SLC17A6: variants seen among roughly 807,000 people sequenced by gnomAD.
SLC17A6 encodes the protein vesicular glutamate transporter 2.
SLC17A6 carries 35 observed loss-of-function variants against 67.1 expected under a neutral mutation model. That is an observed-to-expected ratio of 0.52 (90% CI 0.40 to 0.69). The LOEUF (loss-of-function observed/expected upper bound fraction) is 0.69, where lower values mean the gene tolerates loss of function less well. Ranked by LOEUF, SLC17A6 falls within the 30% of genes least tolerant of loss-of-function variation. The pLI, the probability that SLC17A6 is intolerant of heterozygous loss-of-function variation, is 0.00. For synonymous variants in SLC17A6, 285 were observed against 252.3 expected, an observed-to-expected ratio of 1.13 and a Z score of -1.23; for missense variants, 588 against 723.9, an observed-to-expected ratio of 0.81 and a Z score of 2.15.
chr11:22,354,266 T>A (rs1855974318), intron 3 of SLC17A6, among the ~76,000 whole-genome samples: 1 of 152,082 alleles, frequency 6.6e-6, no homozygotes, highest in Non-Finnish European at 1.5e-5. Flanking sequence ...GTGTTTTTAG[T>A]ACAGACGGGA....
Position 22,365,537 on chromosome 11 carries a change from T to C in SLC17A6, c.749-10T>C, listed in dbSNP as rs1386114511. On this transcript the variant is annotated splice_polypyrimidine_tract_variant and intron_variant, in intron 6 of 11. Coordinates refer to ENST00000263160, the MANE Select transcript of SLC17A6 (RefSeq NM_020346.3). The stretch of plus-strand genomic sequence containing the variant: ...GAAGTGACTTTCTCCTTCTGAACTG[T>C]TGCTTGCAGGAAGCTTTGGAATGGT... The C allele has an allele frequency of 1.9e-6, 3 of 1,613,846 alleles. No homozygotes were observed. The highest frequency in any genetic ancestry group is 2.5e-6 in the Non-Finnish European group (3 of 1,179,804).
In SLC17A6 at chr11:22,365,013, C is replaced by T. The variant is rs183484039; in HGVS notation, c.749-534C>T. ...GAGGCCCACTTTTTATGTAATGTAGCCACTCATGCTAAAATATTCTAGGTT... is the reference window on the plus strand; with the variant it reads ...GAGGCCCACTTTTTATGTAATGTAGTCACTCATGCTAAAATATTCTAGGTT... On this transcript the variant is annotated intron_variant, in intron 6 of 11. Coordinates refer to ENST00000263160, the MANE Select transcript of SLC17A6 (RefSeq NM_020346.3). 5.3e-5 allele frequency among the ~76,000 whole-genome samples: 8 copies of T among 152,180 alleles called. No homozygotes were observed. In the South Asian group the frequency reaches 6.2e-4, roughly 12 times the overall value.
intron 6 of SLC17A6, among the ~76,000 whole-genome samples, chr11:22,365,094 C>A (rs1183468160): frequency 6.6e-6 from 1 of 152,098 alleles, no homozygotes; most frequent in African/African-American, 2.4e-5. Context: ...GGGAAAAGAG[C>A]AATTCTTTTC....
intron 3 of SLC17A6, among the ~76,000 whole-genome samples, chr11:22,358,333 T>C (rs1401200131): frequency 6.6e-6 from 1 of 152,168 alleles, no homozygotes; most frequent in Non-Finnish European, 1.5e-5. Flanking sequence ...TGTTTGTTTG[T>C]TTGTTTGTTT....
At chr11:22,372,861 T>C (rs1220551905) in intron 8 of SLC17A6, among the ~76,000 whole-genome samples, 1 of 152,164 alleles carries the variant, frequency 6.6e-6, no homozygotes, top group South Asian at 2.1e-4. Context: ...TGATTACTCA[T>C]GATAAGTCCC....
chr11:22,343,938 C>G (rs1010953930), intron 3 of SLC17A6, among the ~76,000 whole-genome samples: 8 of 152,122 alleles, frequency 5.3e-5, no homozygotes, highest in Admixed American at 1.3e-4. Flanking sequence ...CCCTCAGCTG[C>G]TTTCAGTGGC....
At chr11:22,340,310 C>T (rs577196702) in intron 1 of SLC17A6, among the ~76,000 whole-genome samples, 2 of 152,294 alleles carry the variant, frequency 1.3e-5, no homozygotes, top group South Asian at 2.1e-4. Flanking sequence ...CAAGGGGCTA[C>T]GTACAGAGAT....
intron 3 of SLC17A6, among the ~76,000 whole-genome samples, chr11:22,345,133 G>GA (rs1342071298): frequency 1.3e-5 from 2 of 151,176 alleles, no homozygotes; most frequent in Non-Finnish European, 2.9e-5. Context: ...TTCCTGCCGG[G>GA]AAAAAACACC....
In SLC17A6 at chr11:22,362,838, T is replaced by C; in HGVS notation, c.748+13T>C. 1 of 1,604,718 alleles carries C rather than the reference T, an allele frequency of 6.2e-7. No homozygotes were observed. The highest frequency in any genetic ancestry group is 2.2e-5 in the East Asian group (1 of 44,832). On this transcript the variant is annotated intron_variant, in intron 6 of 11. Transcript: ENST00000263160. ...TTTTATGTCTACGGTATGTTATATTTCTATGCAATAGAGTTAAAGGAAATG... is the reference window on the plus strand; with the variant it reads ...TTTTATGTCTACGGTATGTTATATTCCTATGCAATAGAGTTAAAGGAAATG...
intron 8 of SLC17A6, among the ~76,000 whole-genome samples, chr11:22,373,551 G>A (rs143988585): frequency 8.6e-4 from 130 of 152,046 alleles, no homozygotes; most frequent in African/African-American, 3.0e-3. Flanking sequence ...ACTAGACTAA[G>A]CACATTAATA....
chr11:22,338,678 G>A lies in SLC17A6; in HGVS notation c.86+59G>A, dbSNP rs549336000. The A allele has an allele frequency of 2.4e-4, 297 of 1,250,998 alleles. 1 individual carries two copies. In the East Asian group the frequency reaches 5.8e-3, roughly 24 times the overall value. 77.5% of individuals were successfully genotyped at this position (1,250,998 alleles called of 1,614,324 possible). ...TCAGCATGAAAAAATCTGCAGGGCC[G>A]TTTCCGTAAACCCTGGTGGCTCAGA... On this transcript the variant is annotated intron_variant, in intron 1 of 11. Transcript: ENST00000263160.
intron 2 of SLC17A6, 22 bp from the exon 3 acceptor site, chr11:22,343,225 C>A (rs1284623587): frequency 6.3e-7 from 1 of 1,596,332 alleles, no homozygotes; most frequent in Non-Finnish European, 8.6e-7. Context: ...TCCCTTCACA[C>A]TTTTTTCCTA....
At chr11:22,350,860 T>C (rs1855929969) in intron 3 of SLC17A6, among the ~76,000 whole-genome samples, 1 of 152,164 alleles carries the variant, frequency 6.6e-6, no homozygotes, top group Non-Finnish European at 1.5e-5. Flanking sequence ...CTTTATTTCT[T>C]CTGAGAAAGC....
chr11:22,376,202 G>A (rs1856231113), intron 10 of SLC17A6, 110 bp downstream of exon 10: 2 of 609,138 alleles, frequency 3.3e-6, no homozygotes, highest in Non-Finnish European at 5.4e-6. Flanking sequence ...TATTCTATAT[G>A]TTGAATAATA....
intron 8 of SLC17A6, among the ~76,000 whole-genome samples, chr11:22,370,815 C>T (rs976164245): frequency 6.6e-6 from 1 of 152,118 alleles, no homozygotes; most frequent in African/African-American, 2.4e-5. Flanking sequence ...AATTAGAATA[C>T]AGCATGCTAA....
In SLC17A6 at chr11:22,363,233, G is replaced by C. The variant is rs544202661; in HGVS notation, c.748+408G>C. Among the ~76,000 whole-genome samples the C allele has an allele frequency of 8.2e-5, 12 of 146,936 alleles. No individual in the cohort carries two copies. The East Asian group carries it at 1.1e-3, about 13-fold the overall frequency. ...TTGAATGGGGGTGGAAAGCTGAAAG[G>C]GGGGGTGGAAAGCTGAAAGGGGGTG... On this transcript the variant is annotated intron_variant, in intron 6 of 11. Coordinates refer to ENST00000263160, the MANE Select transcript of SLC17A6 (RefSeq NM_020346.3).
intron 8 of SLC17A6, among the ~76,000 whole-genome samples, chr11:22,374,400 T>C (rs1047606828): frequency 1.3e-5 from 2 of 152,020 alleles, no homozygotes; most frequent in African/African-American, 4.8e-5. Context: ...ATGTGACAAA[T>C]GTATTTTTCC....
Position 22,377,554 on chromosome 11 carries a change from AG to A in SLC17A6, c.1564del (p.Asp522MetfsTer15). The A allele has an allele frequency of 6.2e-7, 1 of 1,614,184 alleles. No homozygotes were observed. Among genetic ancestry groups the A allele is most frequent in the Non-Finnish European group, 8.5e-7 (1 of 1,180,014 alleles). On this transcript the variant is annotated frameshift_variant, in exon 12 of 12. Coordinates refer to ENST00000263160, the MANE Select transcript of SLC17A6 (RefSeq NM_020346.3). LOFTEE classifies it high-confidence loss of function. Reference sequence around the variant, plus strand: ...AAGAAAAATGTGGATTTATTCATGAAGATGAACTCGATGAAGAAACAGGGGA... The same window carrying A: ...AAGAAAAATGTGGATTTATTCATGAAATGAACTCGATGAAGAAACAGGGGA... ...SEEKCGFIHE[D>X]ELDEETGDIT... is the part of the protein sequence containing the mutation.
intron 3 of SLC17A6, among the ~76,000 whole-genome samples, chr11:22,353,649 G>C (rs753281675): frequency 5.9e-5 from 9 of 152,176 alleles, no homozygotes; most frequent in Non-Finnish European, 1.2e-4. Context: ...GCAGAACAGA[G>C]AACTTCATTT....
Sources: gnomAD v4.1 joint callset for allele counts (sites outside exome capture counted in the v4.1 genomes callset) on GRCh38, gnomAD v4.1.1 for gene constraint, MANE v1.5 for transcripts, NCBI Gene and HGNC (gene_info 2026-07-23, HGNC 2026-07-21) for gene names.